The following CERS4 variants were observed in gnomAD, a reference collection of about 807,000 sequenced individuals.
CERS4 encodes the protein ceramide synthase 4.
A neutral mutation model predicts 51.8 loss-of-function variants in CERS4; 65 were observed. The observed-to-expected ratio is 1.26, with a 90% CI of 1.03 to 1.54. CERS4 has a LOEUF of 1.54. Ranked by LOEUF, CERS4 falls within the 40% of genes most tolerant of loss-of-function variation. The pLI is 0.00. For missense variants in CERS4, 563 were observed against 500.4 expected, an observed-to-expected ratio of 1.13 and a Z score of -1.19; for synonymous variants, 228 against 208.4, an observed-to-expected ratio of 1.09 and a Z score of -0.81.
At chr19:8,221,890 T>TG (rs1967573658) in intron 2 of CERS4, among the ~76,000 whole-genome samples, 1 of 119,078 alleles carries the variant, frequency 8.4e-6, no homozygotes, top group Non-Finnish European at 1.8e-5. Flanking sequence ...TTTTTTTTTT[T>TG]TTTTTTTTTG....
chr19:8,260,950 CAAAAAAAAAAA>C (rs764163177), intron 10 of CERS4: 27 of 36,000 alleles, frequency 7.5e-4, no homozygotes, highest in Non-Finnish European at 1.1e-3. Flanking sequence ...GACTCCATCT[CAAAAAAAAAAA>C]AAAAAAAAAA....
intron 2 of CERS4, among the ~76,000 whole-genome samples, chr19:8,242,532 TG>T (rs2145252861): frequency 6.6e-6 from 1 of 152,258 alleles, no homozygotes; most frequent in Admixed American, 6.5e-5. Context: ...AAGACAGGGT[TG>T]CGGGAGGGTG....
intron 8 of CERS4, 88 bp downstream of exon 8, chr19:8,256,798 G>A: frequency 6.4e-7 from 1 of 1,570,870 alleles, no homozygotes; most frequent in Non-Finnish European, 8.6e-7. Context: ...ACCGCACCTT[G>A]AGAGCTCCCT....
chr19:8,252,292 C>A (rs963839677), intron 3 of CERS4, among the ~76,000 whole-genome samples: 9 of 150,552 alleles, frequency 6.0e-5, no homozygotes, highest in African/African-American at 2.2e-4. Context: ...ATTGCTTGAA[C>A]CCAGGAGACA....
In CERS4 at chr19:8,255,681, G is replaced by A. The variant is rs1599589414; in HGVS notation, c.366G>A (p.Arg122=). 3.1e-6 allele frequency: 5 copies of A among 1,610,772 alleles called. No individual in the cohort carries two copies. Among genetic ancestry groups the A allele is most frequent in the Non-Finnish European group, 4.2e-6 (5 of 1,178,782 alleles). The part of the protein sequence containing the change: ...QQTQRWFRRR[R]NQDRPQLTKK... ...CCCAGCGATGGTTCCGGAGACGCCG[G>A]AACCAGGATCGACCCCAGCTGACCA... The change falls in exon 5 of 12, where the codon CGG becomes CGA. Residue 122 remains arginine (R), a synonymous_variant. Coordinates refer to ENST00000251363, the MANE Select transcript of CERS4 (RefSeq NM_024552.3).
At chr19:8,260,277 C>T (rs538957587) in intron 10 of CERS4, among the ~76,000 whole-genome samples, 1 of 150,110 alleles carries the variant, frequency 6.7e-6, no homozygotes, top group African/African-American at 2.5e-5. Flanking sequence ...CCACCACAAC[C>T]TCCGCCTCCC....
At chr19:8,245,122 A>AAACAAACAAAAACAAAAAAAC (rs1555777236) in intron 2 of CERS4, among the ~76,000 whole-genome samples, 2 of 129,258 alleles carry the variant, frequency 1.5e-5, no homozygotes, top group Non-Finnish European at 3.1e-5. Context: ...AAAAAAAAAA[A>AAACAAACAAAAACAAAAAAAC]AAAAAAAAAA....
At chr19:8,216,751 G>A (rs2100944) in intron 2 of CERS4, among the ~76,000 whole-genome samples, 122,130 of 151,954 alleles carry the variant, frequency 0.8, 49,494 homozygotes, top group African/African-American at 0.91. Flanking sequence ...GTGGGCACCC[G>A]ATAAATGTGA....
Position 8,262,073 on chromosome 19 carries a change from C to T in CERS4, c.1149C>T (p.Ala383=), listed in dbSNP as rs909260186. The part of the protein sequence containing the change: ...APTDGPRSRV[A]GRLTNRHTTA... Reference sequence around the variant, plus strand: ...CTGATGGCCCTCGGAGCCGGGTGGCCGGGCGTCTGACCAACAGGCACACAA... The same window carrying T: ...CTGATGGCCCTCGGAGCCGGGTGGCTGGGCGTCTGACCAACAGGCACACAA... The change falls in exon 12 of 12, where the codon GCC becomes GCT. Residue 383 remains alanine, a synonymous_variant. Transcript: ENST00000251363. The T allele has an allele frequency of 2.5e-5, 38 of 1,521,104 alleles. No homozygotes were observed. The highest frequency in any genetic ancestry group is 8.4e-5 in the African/African-American group (6 of 71,788). The allele number at this position is 1,521,104 out of a possible 1,614,324, so 94.2% of individuals were successfully genotyped here.
At chr19:8,216,549 G>A (rs114643046) in intron 2 of CERS4, among the ~76,000 whole-genome samples, 6,798 of 151,980 alleles carry the variant, frequency 0.045, 509 homozygotes, top group African/African-American at 0.15. Context: ...GGCAAGTTGG[G>A]CAGATCACTT....
chr19:8,251,306 G>GT lies in CERS4; in HGVS notation c.173+58dup, dbSNP rs1163979247. 10 of 1,481,522 alleles carry GT rather than the reference G, an allele frequency of 6.7e-6. No homozygotes were observed. The African/African-American group carries it at 1.4e-4, about 21-fold the overall frequency. 91.8% of individuals were successfully genotyped at this position (1,481,522 alleles called of 1,614,324 possible). ...CCCGCAGTCGCTCCAGTATGTGCTC[G>GT]TGCCCTGTGTGCAATTTGCCATTGC... On this transcript the variant is annotated intron_variant, in intron 3 of 11. Coordinates refer to ENST00000251363, the MANE Select transcript of CERS4 (RefSeq NM_024552.3).
intron 10 of CERS4, among the ~76,000 whole-genome samples, chr19:8,258,535 C>T (rs1208885344): frequency 6.6e-6 from 1 of 151,680 alleles, no homozygotes; most frequent in Non-Finnish European, 1.5e-5. Flanking sequence ...ATAGTGAAAC[C>T]CCATCTCTAC....
At chr19:8,212,532 G>C (rs1050855260) in intron 2 of CERS4, among the ~76,000 whole-genome samples, 3 of 152,096 alleles carry the variant, frequency 2.0e-5, no homozygotes, top group African/African-American at 7.2e-5. Context: ...ACCAGGAGTG[G>C]GTGGCAAGCT....
chr19:8,255,231 C>T lies in CERS4; in HGVS notation c.292-376C>T, dbSNP rs1969313737. 3.3e-5 allele frequency among the ~76,000 whole-genome samples: 5 copies of T among 152,236 alleles called. No homozygotes were observed. In the South Asian group the frequency reaches 1.0e-3, roughly 32 times the overall value. ...TGACTCCCCCTTTACTTGTCAATTT[C>T]CCTCTTCAGGTAGGGCTTGGGGCTG... On this transcript the variant is annotated intron_variant, in intron 4 of 11. Transcript: ENST00000251363.
At chr19:8,240,585 A>AGT (rs5742074) in intron 2 of CERS4, 7,549 of 141,950 alleles carry the variant, frequency 0.053, 229 homozygotes, top group Middle Eastern at 0.11. Context: ...AATGTATGCA[A>AGT]GTGTGTGTGT....
At chr19:8,249,100 G>A (rs1184072945) in intron 2 of CERS4, among the ~76,000 whole-genome samples, 1 of 149,666 alleles carries the variant, frequency 6.7e-6, no homozygotes, top group East Asian at 2.0e-4. Context: ...TTTGATGGGC[G>A]AACAGATGGA....
intron 2 of CERS4, 188 bp from the exon 3 acceptor site, chr19:8,250,887 CT>C: frequency 6.3e-6 from 9 of 1,419,540 alleles, no homozygotes; most frequent in South Asian, 3.4e-5. Flanking sequence ...AGTGGTGGCT[CT>C]TCTGGGACCA....
At chr19:8,245,717 T>G (rs1437282490) in intron 2 of CERS4, among the ~76,000 whole-genome samples, 1 of 151,502 alleles carries the variant, frequency 6.6e-6, no homozygotes, top group Non-Finnish European at 1.5e-5. Flanking sequence ...TTTTTGTATT[T>G]TTAGTAGAGA....
At chr19:8,256,362 C>A (rs1969381953) in intron 7 of CERS4, 76 bp downstream of exon 7, 1 of 1,507,678 alleles carries the variant, frequency 6.6e-7, no homozygotes, top group South Asian at 1.2e-5. Flanking sequence ...GGGCATGGGA[C>A]CCGAACCCTG....
Sources: gnomAD v4.1 joint callset for allele counts (sites outside exome capture counted in the v4.1 genomes callset) on GRCh38, gnomAD v4.1.1 for gene constraint, MANE v1.5 for transcripts, NCBI Gene and HGNC (gene_info 2026-07-23, HGNC 2026-07-21) for gene names.